Variants in MOB3B observed in about 807,000 individuals in gnomAD.
MOB3B encodes MOB kinase activator 3B, also known as MOB kinase activator-like 2B.
In MOB3B, 7 loss-of-function variants were observed where a neutral mutation model predicts 18.7. The observed-to-expected ratio is 0.37, with a 90% confidence interval of 0.21 to 0.70. The LOEUF (loss-of-function observed/expected upper bound fraction) is 0.70. MOB3B is among the 30% of genes least tolerant of loss of function. The pLI is 0.52. For synonymous variants in MOB3B, 111 were observed against 99.9 expected (o/e 1.11, Z -0.66); for missense variants, 253 against 281.3 (o/e 0.90, Z 0.72).
At chr9:27,335,173 T>C (rs1332610643) in intron 3 of MOB3B, among the ~76,000 whole-genome samples, 3 of 152,282 alleles carry the variant, frequency 2.0e-5, no homozygotes, top group Admixed American at 6.5e-5. Context: ...ACAGTCATCA[T>C]GCTTGCACAG....
intron 2 of MOB3B, among the ~76,000 whole-genome samples, chr9:27,417,642 T>C (rs998899387): frequency 6.6e-6 from 1 of 152,152 alleles, no homozygotes; most frequent in African/African-American, 2.4e-5. Flanking sequence ...ACAAAAATGC[T>C]AGTACTTTGG....
intron 3 of MOB3B, among the ~76,000 whole-genome samples, chr9:27,343,690 G>T (rs1381689802): frequency 7.2e-6 from 1 of 138,628 alleles, no homozygotes; most frequent in Non-Finnish European, 1.5e-5. Context: ...TATGAGGCTG[G>T]AATTTTAGCC....
intron 2 of MOB3B, among the ~76,000 whole-genome samples, chr9:27,428,015 C>T (rs1253855408): frequency 6.6e-6 from 1 of 152,154 alleles, no homozygotes; most frequent in Non-Finnish European, 1.5e-5. Context: ...ACTTCCATCC[C>T]CAGTTTGTTC....
chr9:27,414,443 C>T (rs898174237), intron 2 of MOB3B, among the ~76,000 whole-genome samples: 3 of 152,212 alleles, frequency 2.0e-5, no homozygotes, highest in Non-Finnish European at 2.9e-5. Flanking sequence ...TCATGGCCTC[C>T]ATTCAATTAG....
chr9:27,334,738 TCTGA>T (rs767655777), intron 3 of MOB3B, among the ~76,000 whole-genome samples: 2 of 152,256 alleles, frequency 1.3e-5, no homozygotes, highest in Non-Finnish European at 2.9e-5. Context: ...ACAAATACTC[TCTGA>T]CTTAGGCAAG....
At chr9:27,491,875 C>T (rs956990016) in intron 1 of MOB3B, among the ~76,000 whole-genome samples, 3 of 151,876 alleles carry the variant, frequency 2.0e-5, no homozygotes, top group African/African-American at 7.2e-5. Context: ...TCTGTCTCAA[C>T]AACAACAACA....
At chr9:27,333,124 T>C (rs1467425657) in intron 3 of MOB3B, among the ~76,000 whole-genome samples, 1 of 152,088 alleles carries the variant, frequency 6.6e-6, no homozygotes, top group African/African-American at 2.4e-5. Context: ...TTTTTTTAAG[T>C]AGCAGAGTAA....
At position 27,359,379 on chromosome 9, in the gene MOB3B, G is replaced by GA. The variant is rs202178671; in HGVS notation, c.419-144_419-143insT. On this transcript the variant is annotated intron_variant, in intron 2 of 3. Transcript: ENST00000262244. ...GGAGTCATAGGGAGTGTGTGTGTGT[G>GA]GGGGGGGGGGGTTGGTAGCAAACTA... 1.4e-3 allele frequency: 249 copies of GA among 183,888 alleles called. 1 individual carries two copies. In the East Asian group the frequency reaches 0.028, roughly 20 times the overall value. The allele number at this position is 183,888 out of a possible 1,614,324, so 11.4% of individuals were successfully genotyped here.
At chr9:27,352,561 G>A (rs1821120813) in intron 3 of MOB3B, among the ~76,000 whole-genome samples, 3 of 152,130 alleles carry the variant, frequency 2.0e-5, no homozygotes, top group African/African-American at 7.2e-5. Flanking sequence ...AGGATGAGGA[G>A]CAACAATGAA....
chr9:27,330,685 T>G, intron 3 of MOB3B, 69 bp from the exon 4 acceptor site: 1 of 1,603,948 alleles, frequency 6.2e-7, no homozygotes, highest in Non-Finnish European at 8.5e-7. Context: ...TGAAGGATCC[T>G]GAAAATGCTC....
intron 2 of MOB3B, among the ~76,000 whole-genome samples, chr9:27,425,102 G>C (rs184633961): frequency 6.6e-6 from 1 of 151,994 alleles, no homozygotes. Context: ...GCATCCAGGC[G>C]CGGTGGCTTG....
intron 2 of MOB3B, among the ~76,000 whole-genome samples, chr9:27,360,649 T>C (rs932805720): frequency 6.6e-6 from 1 of 152,200 alleles, no homozygotes; most frequent in Admixed American, 6.5e-5. Flanking sequence ...AGTTTTGCTG[T>C]CCTTCCCTCC....
At chr9:27,431,068 G>GA (rs1822410236) in intron 2 of MOB3B, among the ~76,000 whole-genome samples, 2 of 151,996 alleles carry the variant, frequency 1.3e-5, no homozygotes, top group African/African-American at 2.4e-5. Flanking sequence ...TGCAGAGTTA[G>GA]AAAAAATGCC....
intron 2 of MOB3B, among the ~76,000 whole-genome samples, chr9:27,386,715 A>T (rs569731989): frequency 1.3e-5 from 2 of 152,368 alleles, no homozygotes; most frequent in South Asian, 4.1e-4. Context: ...TTTATGAGCT[A>T]CAGGAATTGC....
At chr9:27,482,307 TGTCTGGATG>T (rs72024300) in intron 1 of MOB3B, among the ~76,000 whole-genome samples, 137,442 of 151,716 alleles carry the variant, frequency 0.91, 62,819 homozygotes, top group East Asian at 1. Context: ...CTCATAATAA[TGTCTGGATG>T]GTCTGGATGT....
At chr9:27,417,188 C>A (rs971670013) in intron 2 of MOB3B, among the ~76,000 whole-genome samples, 1 of 152,056 alleles carries the variant, frequency 6.6e-6, no homozygotes, top group Non-Finnish European at 1.5e-5. Flanking sequence ...ACCGTGAAAC[C>A]CCGTCTCTAC....
intron 1 of MOB3B, among the ~76,000 whole-genome samples, chr9:27,516,437 A>G (rs1820235388): frequency 6.6e-6 from 1 of 152,144 alleles, no homozygotes; most frequent in Non-Finnish European, 1.5e-5. Flanking sequence ...GTTTGACCAT[A>G]CTCTTCAATG....
In MOB3B at chr9:27,328,635, T is replaced by A. The variant is rs1023802421; in HGVS notation, c.*1952A>T. ...AAATGCAGGAACATATTCAACTTTT[T>A]AATGTAAAAATCCTGTGGCGTTCCA... On this transcript the variant is annotated 3_prime_UTR_variant, in exon 4 of 4. Transcript: ENST00000262244. The A allele has an allele frequency of 6.6e-6, 1 of 152,208 alleles. No homozygotes were observed. The highest frequency in any genetic ancestry group is 1.5e-5 in the Non-Finnish European group (1 of 68,042). The allele number at this position is 152,208 out of a possible 1,614,324, so 9.4% of individuals were successfully genotyped here. A position where few individuals can be genotyped will look rare whatever the true frequency, so the allele number is the denominator to read the frequency against.
chr9:27,375,014 G>A (rs1462272438), intron 2 of MOB3B, among the ~76,000 whole-genome samples: 1 of 152,224 alleles, frequency 6.6e-6, no homozygotes, highest in Non-Finnish European at 1.5e-5. Context: ...CAGGGGCTCT[G>A]TCCACCATGG....
Sources: gnomAD v4.1 joint callset for allele counts (sites outside exome capture counted in the v4.1 genomes callset) on GRCh38, gnomAD v4.1.1 for gene constraint, MANE v1.5 for transcripts, NCBI Gene and HGNC (gene_info 2026-07-23, HGNC 2026-07-21) for gene names.